The following CROT variants were observed in gnomAD, a reference collection of about 807,000 sequenced individuals.
The protein encoded by CROT is peroxisomal carnitine O-octanoyltransferase.
Under a neutral mutation model 89.2 loss-of-function variants are expected in CROT, and 84 were observed. The observed-to-expected ratio is 0.94, with a 90% CI of 0.79 to 1.13. The LOEUF (loss-of-function observed/expected upper bound fraction) is 1.13. Ranked by LOEUF, CROT falls within the 50% of genes most tolerant of loss-of-function variation. The pLI is 0.00. For synonymous variants in CROT, 212 were observed against 239.5 expected (o/e 0.89, Z 1.06); for missense variants, 711 against 727.8 (o/e 0.98, Z 0.27).
intron 3 of CROT, among the ~76,000 whole-genome samples, chr7:87,351,451 C>T (rs896910696): frequency 4.0e-5 from 6 of 151,820 alleles, no homozygotes; most frequent in African/African-American, 7.3e-5. Context: ...TAATTCACTG[C>T]GTACCCAACA....
intron 13 of CROT, among the ~76,000 whole-genome samples, chr7:87,383,117 G>C (rs1807077005): frequency 1.3e-5 from 2 of 152,170 alleles, no homozygotes; most frequent in East Asian, 3.8e-4. Flanking sequence ...TGTGGGGAAT[G>C]TTCCAAGTCT....
chr7:87,360,039 A>T (rs112100676), intron 4 of CROT: 30,949 of 981,398 alleles, frequency 0.032, 553 homozygotes, highest in Non-Finnish European at 0.035. Flanking sequence ...GAATAATAAA[A>T]TTTCACACTT....
At chr7:87,379,092 T>TA (rs1806906208) in intron 10 of CROT, among the ~76,000 whole-genome samples, 1 of 152,214 alleles carries the variant, frequency 6.6e-6, no homozygotes, top group Admixed American at 6.5e-5. Flanking sequence ...TTTATGTCCT[T>TA]ACCATTCCTT....
intron 2 of CROT, among the ~76,000 whole-genome samples, chr7:87,346,861 T>C (rs1805697358): frequency 6.6e-6 from 1 of 152,184 alleles, no homozygotes; most frequent in African/African-American, 2.4e-5. Flanking sequence ...GAAGTTTGGG[T>C]GGGCTTAGCT....
At chr7:87,379,983 T>C (rs1483919033) in intron 10 of CROT, among the ~76,000 whole-genome samples, 1 of 152,078 alleles carries the variant, frequency 6.6e-6, no homozygotes, top group African/African-American at 2.4e-5. Flanking sequence ...TGGTAATGCA[T>C]ACCTATACTC....
chr7:87,392,598 T>C lies in CROT; in HGVS notation c.1458T>C (p.Ala486=). ...LRERQQKMLQ[A]FAKHNKMMKD... ...AGCGGCAGCAAAAGATGTTACAAGC[T>C]TTTGCAAAGCATAATAAAATGATGA... Residue 486 remains alanine, a synonymous_variant, in exon 15 of 18, where the codon GCT becomes GCC. Transcript: ENST00000331536. 1 of 1,613,582 alleles carries C rather than the reference T, an allele frequency of 6.2e-7. No homozygotes were observed. The highest frequency in any genetic ancestry group is 8.5e-7 in the Non-Finnish European group (1 of 1,179,702).
Position 87,361,450 on chromosome 7 carries a change from G to A in CROT, c.301G>A (p.Val101Ile). The A allele has an allele frequency of 6.2e-7, 1 of 1,614,010 alleles. No homozygotes were observed. The highest frequency in any genetic ancestry group is 2.2e-5 in the East Asian group (1 of 44,878). Residue 101 changes from valine to isoleucine, a missense_variant, in exon 5 of 18, where the codon GTC (valine) becomes ATC (isoleucine). By Grantham distance (29) the Val-to-Ile change is conservative (BLOSUM62 3). Transcript: ENST00000331536. The part of the protein sequence containing the change: ...LDVRIPSQLN[V>I]NFAGPAAHFE... ...TGTTCGTATACCATCACAATTGAAT[G>A]TCAACTTTGCGGGTCCTGCAGCTCA...
At chr7:87,360,596 C>T (rs1358909127) in intron 4 of CROT, among the ~76,000 whole-genome samples, 1 of 152,224 alleles carries the variant, frequency 6.6e-6, no homozygotes, top group African/African-American at 2.4e-5. Flanking sequence ...CTGCCTCCGC[C>T]TCCCAAAGTG....
At chr7:87,352,898 C>G (rs1242580762) in intron 3 of CROT, among the ~76,000 whole-genome samples, 1 of 152,148 alleles carries the variant, frequency 6.6e-6, no homozygotes, top group Non-Finnish European at 1.5e-5. Flanking sequence ...GAATACAGGC[C>G]TGTCCCTATG....
intron 3 of CROT, among the ~76,000 whole-genome samples, chr7:87,350,450 A>G (rs1034372727): frequency 7.9e-5 from 12 of 152,286 alleles, no homozygotes; most frequent in South Asian, 4.2e-4. Context: ...TTCAATGTCT[A>G]TAGCTGCTGC....
At chr7:87,353,560 A>G (rs1400721682) in intron 3 of CROT, among the ~76,000 whole-genome samples, 1 of 152,208 alleles carries the variant, frequency 6.6e-6, no homozygotes, top group Non-Finnish European at 1.5e-5. Flanking sequence ...TTTATTTTCA[A>G]AAAAGAAGTT....
chr7:87,363,497 G>A (rs1806346480), intron 6 of CROT, among the ~76,000 whole-genome samples: 1 of 152,118 alleles, frequency 6.6e-6, no homozygotes, highest in Admixed American at 6.5e-5. Flanking sequence ...TGTGTGTTGA[G>A]GGCAGAATGC....
chr7:87,375,601 C>G, intron 7 of CROT, 31 bp from the exon 8 acceptor site: 3 of 1,543,876 alleles, frequency 1.9e-6, no homozygotes, highest in Non-Finnish European at 2.7e-6. Flanking sequence ...TGCCTGTACT[C>G]TTTTTTAATC....
At chr7:87,382,682 C>T in intron 13 of CROT, 139 bp downstream of exon 13, 1 of 781,294 alleles carries the variant, frequency 1.3e-6, no homozygotes, top group South Asian at 2.0e-5. Flanking sequence ...GTACTTCCAT[C>T]AATAGAGTAT....
chr7:87,381,615 A>T (rs1213389930), intron 10 of CROT, among the ~76,000 whole-genome samples: 1 of 152,172 alleles, frequency 6.6e-6, no homozygotes, highest in African/African-American at 2.4e-5. Flanking sequence ...TAAAAATAGC[A>T]ATTAATTTAT....
intron 10 of CROT, among the ~76,000 whole-genome samples, chr7:87,379,629 G>A (rs1351301351): frequency 6.6e-6 from 1 of 152,176 alleles, no homozygotes; most frequent in East Asian, 1.9e-4. Context: ...ATATCTCTCA[G>A]CATAACTGAA....
intron 3 of CROT, among the ~76,000 whole-genome samples, chr7:87,356,213 T>C (rs1020588634): frequency 6.6e-6 from 1 of 152,192 alleles, no homozygotes; most frequent in African/African-American, 2.4e-5. Context: ...TTTAGAAACA[T>C]GTTTCCCATA....
In CROT at chr7:87,382,495, C is replaced by T. The variant is rs147718012; in HGVS notation, c.1253C>T (p.Thr418Met). Residue 418 changes from threonine (T) to methionine (M), a missense_variant, in exon 13 of 18, where the codon ACG (threonine) becomes ATG (methionine). Physicochemically the swap from Thr to Met is moderately conservative, Grantham distance 81. Coordinates refer to ENST00000331536, the MANE Select transcript of CROT (RefSeq NM_021151.4). Reference sequence around the variant, plus strand: ...AAGAACAAGATGCTTCACCCGGATACGTTTATTCAGCTTGCACTTCAGCTG... The same window carrying T: ...AAGAACAAGATGCTTCACCCGGATATGTTTATTCAGCTTGCACTTCAGCTG... ...LTKNKMLHPD[T>M]FIQLALQLAY... is the part of the protein sequence containing the mutation. 6.1e-5 allele frequency: 98 copies of T among 1,613,744 alleles called. No individual in the cohort carries two copies. The highest frequency in any genetic ancestry group is 7.7e-5 in the Non-Finnish European group (91 of 1,179,822).
chr7:87,391,734 A>C, intron 14 of CROT, 22 bp downstream of exon 14: 1 of 1,595,870 alleles, frequency 6.3e-7, no homozygotes, highest in East Asian at 2.3e-5. Context: ...AAAGGAAAAA[A>C]ACTCACAAGA....
Sources: gnomAD v4.1 joint callset for allele counts (sites outside exome capture counted in the v4.1 genomes callset) on GRCh38, gnomAD v4.1.1 for gene constraint, MANE v1.5 for transcripts, NCBI Gene and HGNC (gene_info 2026-07-23, HGNC 2026-07-21) for gene names.